The following TBC1D32 variants were observed in gnomAD, a reference collection of about 807,000 sequenced individuals.
TBC1D32 encodes protein broad-minded.
A neutral mutation model predicts 170.3 loss-of-function variants in TBC1D32; 151 were observed. The ratio of observed to expected loss-of-function variants is 0.89; its 90% CI spans 0.78 to 1.01. The LOEUF is 1.01. TBC1D32 is among the 50% of genes least tolerant of loss of function. TBC1D32 has a pLI of 0.00. For missense variants in TBC1D32, 1,464 were observed against 1,457.1 expected, an observed-to-expected ratio of 1.00 and a Z score of -0.08; for synonymous variants, 498 against 488.0, an observed-to-expected ratio of 1.02 and a Z score of -0.27.
intron 21 of TBC1D32, among the ~76,000 whole-genome samples, chr6:121,221,635 G>T (rs775425511): frequency 6.6e-6 from 1 of 152,188 alleles, no homozygotes; most frequent in Non-Finnish European, 1.5e-5. Context: ...AAGAAGTTCA[G>T]TACTTCAGTA....
intron 20 of TBC1D32, among the ~76,000 whole-genome samples, chr6:121,229,579 C>T (rs1320700732): frequency 1.3e-5 from 2 of 152,102 alleles, no homozygotes; most frequent in Non-Finnish European, 2.9e-5. Context: ...TTTATTCTTT[C>T]ATTAGAGGGC....
intron 15 of TBC1D32, among the ~76,000 whole-genome samples, chr6:121,268,091 A>C: frequency 6.6e-6 from 1 of 152,142 alleles, no homozygotes; most frequent in Non-Finnish European, 1.5e-5. Flanking sequence ...ATCCACACCA[A>C]AACCCCATCT....
At chr6:121,248,756 A>G (rs1797942069) in intron 17 of TBC1D32, among the ~76,000 whole-genome samples, 1 of 151,900 alleles carries the variant, frequency 6.6e-6, no homozygotes, top group South Asian at 2.1e-4. Flanking sequence ...TAAATTAAGA[A>G]GAAACAGAAA....
At chr6:121,272,456 A>C (rs1801591910) in intron 15 of TBC1D32, among the ~76,000 whole-genome samples, 1 of 152,224 alleles carries the variant, frequency 6.6e-6, no homozygotes, top group Non-Finnish European at 1.5e-5. Flanking sequence ...AAGGATATGA[A>C]TAGACACTTA....
chr6:121,277,825 T>G (rs891594978), intron 15 of TBC1D32, among the ~76,000 whole-genome samples: 9 of 151,486 alleles, frequency 5.9e-5, no homozygotes, highest in Admixed American at 4.6e-4. Flanking sequence ...AACCAGAAGT[T>G]AGTTTTTTGA....
chr6:121,321,149 G>A (rs1297202321), intron 2 of TBC1D32, among the ~76,000 whole-genome samples: 1 of 152,154 alleles, frequency 6.6e-6, no homozygotes, highest in Non-Finnish European at 1.5e-5. Context: ...GAAGTTTGGT[G>A]ATGTTTCTTT....
Position 121,308,027 on chromosome 6 carries a change from A to G in TBC1D32, c.639T>C (p.Thr213=). ...GAGACACGGTCAGTTTTTCGCAGAGAGTAGTCCAATTTTCACAGTTGAGGA... is the reference window on the plus strand; with the variant it reads ...GAGACACGGTCAGTTTTTCGCAGAGGGTAGTCCAATTTTCACAGTTGAGGA... ...SDVLNCENWT[T]LCEKLTVSLS... The change falls in exon 5 of 32, where the codon ACT becomes ACC. Residue 213 remains threonine, a synonymous_variant. Transcript: ENST00000398212. The G allele has an allele frequency of 6.2e-7, 1 of 1,613,918 alleles. No homozygotes were observed. The highest frequency in any genetic ancestry group is 2.2e-5 in the East Asian group (1 of 44,826).
intron 3 of TBC1D32, among the ~76,000 whole-genome samples, chr6:121,313,175 C>A (rs917594661): frequency 2.1e-5 from 3 of 140,438 alleles, no homozygotes; most frequent in Non-Finnish European, 4.6e-5. Flanking sequence ...TGTGTAGAGA[C>A]CTTGTCTCTA....
intron 10 of TBC1D32, among the ~76,000 whole-genome samples, chr6:121,295,085 T>G (rs534810031): frequency 6.6e-6 from 1 of 151,382 alleles, no homozygotes; most frequent in Non-Finnish European, 1.5e-5. Context: ...ATACCAGAAA[T>G]GCTAAAAACT....
intron 26 of TBC1D32, among the ~76,000 whole-genome samples, chr6:121,123,889 AC>A (rs1278817156): frequency 1.3e-5 from 2 of 148,692 alleles, no homozygotes; most frequent in Non-Finnish European, 3.0e-5. Context: ...GTTTGTGTTT[AC>A]CATGAGGCTT....
rs1775474901 is a variant in TBC1D32 at position 121,079,849 on chromosome 6, G to C, written c.*922C>G. 1 of 152,106 alleles carries C rather than the reference G, an allele frequency of 6.6e-6. No individual in the cohort carries two copies. The highest frequency in any genetic ancestry group is 6.5e-5 in the Admixed American group (1 of 15,268). The allele number at this position is 152,106 out of a possible 1,614,324, so 9.4% of individuals were successfully genotyped here. On this transcript the variant is annotated 3_prime_UTR_variant, in exon 32 of 32. Coordinates refer to ENST00000398212, the MANE Select transcript of TBC1D32 (RefSeq NM_152730.6). ...ACAAATAAGAGTAGAATGCTTATCA[G>C]TATGAAATAACCAATCTATCTCTTC...
At chr6:121,109,446 A>C (rs1395676290) in intron 29 of TBC1D32, among the ~76,000 whole-genome samples, 1 of 152,082 alleles carries the variant, frequency 6.6e-6, no homozygotes, top group African/African-American at 2.4e-5. Context: ...TTCCTTTTTC[A>C]TATGCTTTTA....
At chr6:121,271,917 C>G (rs1294408278) in intron 15 of TBC1D32, among the ~76,000 whole-genome samples, 3 of 152,020 alleles carry the variant, frequency 2.0e-5, no homozygotes, top group South Asian at 2.1e-4. Flanking sequence ...AGATATAGAC[C>G]CATGGAACAG....
Position 121,304,355 on chromosome 6 carries a change from G to A in TBC1D32, c.935+10C>T, listed in dbSNP as rs1373739287. The A allele has an allele frequency of 6.2e-7, 1 of 1,612,756 alleles. No individual in the cohort carries two copies. Among genetic ancestry groups the A allele is most frequent in the Non-Finnish European group, 8.5e-7 (1 of 1,179,286 alleles). ...GGTTTTATGCTGGCATACATTGGGAGGGGACTTACTTCTCTGGATGACGAA... is the reference window on the plus strand; with the variant it reads ...GGTTTTATGCTGGCATACATTGGGAAGGGACTTACTTCTCTGGATGACGAA... On this transcript the variant is annotated intron_variant, in intron 8 of 31. Transcript: ENST00000398212.
At chr6:121,156,827 A>T (rs1784954305) in intron 24 of TBC1D32, among the ~76,000 whole-genome samples, 1 of 152,088 alleles carries the variant, frequency 6.6e-6, no homozygotes, top group Non-Finnish European at 1.5e-5. Context: ...TAGTTTTGAG[A>T]AATCTTCTTA....
At chr6:121,134,562 G>A (rs1781807781) in intron 24 of TBC1D32, among the ~76,000 whole-genome samples, 1 of 152,024 alleles carries the variant, frequency 6.6e-6, no homozygotes, top group Admixed American at 6.6e-5. Flanking sequence ...GCTGAAAACA[G>A]GCTGACTAAA....
intron 3 of TBC1D32, among the ~76,000 whole-genome samples, chr6:121,312,039 T>A (rs1255629462): frequency 5.9e-5 from 9 of 151,988 alleles, no homozygotes; most frequent in Non-Finnish European, 1.2e-4. Flanking sequence ...AAAGGATGAG[T>A]TAATGTCCTT....
chr6:121,323,182 T>A (rs1809986247), intron 1 of TBC1D32, among the ~76,000 whole-genome samples: 1 of 152,172 alleles, frequency 6.6e-6, no homozygotes, highest in South Asian at 2.1e-4. Context: ...GTCACCAACA[T>A]GTGTTAATGT....
At chr6:121,185,671 C>T (rs1562815965) in intron 22 of TBC1D32, among the ~76,000 whole-genome samples, 2 of 152,034 alleles carry the variant, frequency 1.3e-5, no homozygotes, top group Non-Finnish European at 2.9e-5. Flanking sequence ...CCTTCTTACA[C>T]CATACACAAA....
Sources: allele counts gnomAD v4.1 joint callset (sites outside exome capture counted in the v4.1 genomes callset), GRCh38; gene constraint gnomAD v4.1.1; transcripts MANE v1.5; gene names NCBI Gene and HGNC (gene_info 2026-07-23, HGNC 2026-07-21).